DPYSL2: variants seen among roughly 807,000 people sequenced by gnomAD.
DPYSL2 encodes the protein dihydropyrimidinase-related protein 2.
In DPYSL2, 13 loss-of-function variants were observed where a neutral mutation model predicts 69.9. The ratio of observed to expected loss-of-function variants is 0.19; its 90% confidence interval spans 0.12 to 0.30. The LOEUF is 0.30. Ranked by LOEUF, DPYSL2 falls within the 10% of genes least tolerant of loss-of-function variation. The pLI, the probability that DPYSL2 is intolerant of heterozygous loss-of-function variation, is 1.00. For missense variants in DPYSL2, 587 were observed against 918.9 expected (o/e 0.64, Z 4.67); for synonymous variants, 326 against 359.1 (o/e 0.91, Z 1.04).
chr8:26,594,115 C>T (rs1563401269), intron 3 of DPYSL2, among the ~76,000 whole-genome samples: 1 of 152,180 alleles, frequency 6.6e-6, no homozygotes, highest in Non-Finnish European at 1.5e-5. Flanking sequence ...CTTTCTAGTG[C>T]TTTCTGTCTG....
At chr8:26,625,487 C>G (rs1011488917) in intron 4 of DPYSL2, among the ~76,000 whole-genome samples, 1 of 152,106 alleles carries the variant, frequency 6.6e-6, no homozygotes, top group Non-Finnish European at 1.5e-5. Context: ...CCCAGCACCC[C>G]CCAGGTGGCT....
In DPYSL2 at chr8:26,644,657, C is replaced by T. The variant is rs1803123080; in HGVS notation, c.1425+566C>T. Among the ~76,000 whole-genome samples the T allele has an allele frequency of 6.6e-6, 1 of 152,094 alleles. No individual in the cohort carries two copies. The highest frequency in any genetic ancestry group is 1.5e-5 in the Non-Finnish European group (1 of 68,014). ...CAATGGAACAGTAAAGACTGAAAAC[C>T]TACACAGCTTTAGATGTGACTCTGG... is the stretch of plus-strand genomic sequence containing the variant. On this transcript the variant is annotated intron_variant, in intron 10 of 13. Coordinates refer to ENST00000521913, the MANE Select transcript of DPYSL2 (RefSeq NM_001197293.3). The surrounding 1 kb of genome is among the most constrained non-coding windows in gnomAD (Gnocchi z 4.5).
chr8:26,613,089 C>G (rs1802271503), intron 3 of DPYSL2, among the ~76,000 whole-genome samples: 1 of 152,206 alleles, frequency 6.6e-6, no homozygotes, highest in Non-Finnish European at 1.5e-5. Flanking sequence ...TTCAACTGTT[C>G]CATTCCTGTT....
intron 1 of DPYSL2, chr8:26,577,239 C>A (rs1439979812): frequency 4.9e-6 from 2 of 410,646 alleles, no homozygotes; most frequent in Non-Finnish European, 9.6e-6. Context: ...ATTCCCCGCC[C>A]CCAGGAGCCG....
chr8:26,540,341 A>C (rs74499871), intron 1 of DPYSL2, among the ~76,000 whole-genome samples: 18 of 152,268 alleles, frequency 1.2e-4, no homozygotes, highest in African/African-American at 3.9e-4. Flanking sequence ...AAATGAAAAA[A>C]GTGAAAAAAG....
chr8:26,528,740 G>A (rs185687362), intron 1 of DPYSL2, among the ~76,000 whole-genome samples: 47 of 152,300 alleles, frequency 3.1e-4, no homozygotes, highest in African/African-American at 9.6e-4. Flanking sequence ...AAGCAGTGCA[G>A]CGCCACTCTG....
Position 26,642,091 on chromosome 8 carries a change from AGAT to A in DPYSL2, c.1127-1345_1127-1343del. Among the ~76,000 whole-genome samples the A allele has an allele frequency of 6.6e-6, 1 of 152,288 alleles. No homozygotes were observed. Among genetic ancestry groups the A allele is most frequent in the East Asian group, 1.9e-4 (1 of 5,188 alleles). ...CCCTGTGCTGGGGGGAGCTAGTGAG[AGAT>A]GAATTCAGCTGACCTGGGATCAAAT... On this transcript the variant is annotated intron_variant, in intron 8 of 13. Transcript: ENST00000521913. The surrounding 1 kb of genome is among the most constrained non-coding windows in gnomAD (Gnocchi z 5.3).
At chr8:26,577,935 C>A (rs114900295) in intron 1 of DPYSL2, 6 of 1,196,876 alleles carry the variant, frequency 5.0e-6, no homozygotes, top group African/African-American at 4.9e-5. Flanking sequence ...CGACTTGAAC[C>A]GAGGCTTTTA....
In DPYSL2 at chr8:26,533,301, T is replaced by C. The variant is rs966263614; in HGVS notation, c.354+18622T>C. Among the ~76,000 whole-genome samples the C allele has an allele frequency of 2.0e-5, 3 of 152,226 alleles. No individual in the cohort carries two copies. The highest frequency in any genetic ancestry group is 4.4e-5 in the Non-Finnish European group (3 of 68,038). On this transcript the variant is annotated intron_variant, in intron 1 of 13. Transcript: ENST00000521913. This position sits in a 1 kb window ranked among gnomAD's most constrained non-coding sequence, Gnocchi z 4.8. ...ATCCTTAATATATATTATTTTTTTC[T>C]CCTGCTCTGTGGATTGTTTTTCACT...
intron 3 of DPYSL2, among the ~76,000 whole-genome samples, chr8:26,611,224 G>A (rs537804160): frequency 1.3e-5 from 2 of 152,318 alleles, no homozygotes; most frequent in African/African-American, 2.4e-5. Flanking sequence ...TCCTTGTTCC[G>A]AGAAAGTTCC....
chr8:26,649,739 T>G (rs1034418830), intron 11 of DPYSL2, among the ~76,000 whole-genome samples: 1 of 152,162 alleles, frequency 6.6e-6, no homozygotes, highest in African/African-American at 2.4e-5. Flanking sequence ...TTTGCTTGGA[T>G]TTTCCAGGCA....
intron 1 of DPYSL2, chr8:26,547,985 A>G: frequency 3.8e-6 from 1 of 263,790 alleles, no homozygotes; most frequent in South Asian, 5.3e-5. Flanking sequence ...TGGCATGAGA[A>G]GGTCCTTTTC....
At chr8:26,589,796 C>T (rs571403741) in intron 3 of DPYSL2, among the ~76,000 whole-genome samples, 2 of 152,344 alleles carry the variant, frequency 1.3e-5, no homozygotes, top group South Asian at 2.1e-4. Flanking sequence ...GGTCCTCTTG[C>T]GAGAAAGCCT....
In DPYSL2 at chr8:26,565,583, TA is replaced by T; in HGVS notation, c.355-16385del. On this transcript the variant is annotated intron_variant, in intron 1 of 13. Coordinates refer to ENST00000521913, the MANE Select transcript of DPYSL2 (RefSeq NM_001197293.3). This position sits in a 1 kb window ranked among gnomAD's most constrained non-coding sequence, Gnocchi z 4.1. The stretch of plus-strand genomic sequence containing the variant: ...GTCAGCAAAGTGAAGGAACTGAGGG[TA>T]TGTGTGTATTTCACACAAATTTTAA... Among the ~76,000 whole-genome samples, 1 of 152,296 alleles carries T rather than the reference TA, an allele frequency of 6.6e-6. No homozygotes were observed. The highest frequency in any genetic ancestry group is 2.4e-5 in the African/African-American group (1 of 41,562).
intron 1 of DPYSL2, among the ~76,000 whole-genome samples, chr8:26,541,953 G>A (rs904616574): frequency 1.3e-5 from 2 of 152,180 alleles, no homozygotes; most frequent in Non-Finnish European, 2.9e-5. Flanking sequence ...TTACTTAAAT[G>A]TAAATGGATT....
chr8:26,592,584 T>C (rs771270371), intron 3 of DPYSL2, among the ~76,000 whole-genome samples: 1 of 151,524 alleles, frequency 6.6e-6, no homozygotes, highest in Non-Finnish European at 1.5e-5. Context: ...CAAGCCATTC[T>C]CCTGTCTCAG....
rs1355642765 is a variant in DPYSL2, at chr8:26,647,428, C to G, written c.1426-202C>G. Among the ~76,000 whole-genome samples, 18 of 152,208 alleles carry G rather than the reference C, an allele frequency of 1.2e-4. No individual in the cohort carries two copies. Among genetic ancestry groups the G allele is most frequent in the Admixed American group, 9.8e-4 (15 of 15,286 alleles). Reference sequence around the variant, plus strand: ...CTAGCCCCTCATCTGTTCTCCATCTCTACCATTTTGTTATTTGGAGAATGT... The same window carrying G: ...CTAGCCCCTCATCTGTTCTCCATCTGTACCATTTTGTTATTTGGAGAATGT... On this transcript the variant is annotated intron_variant, in intron 10 of 13. Coordinates refer to ENST00000521913, the MANE Select transcript of DPYSL2 (RefSeq NM_001197293.3). This position sits in a 1 kb window ranked among gnomAD's most constrained non-coding sequence, Gnocchi z 5.1.
Position 26,655,736 on chromosome 8 carries a change from C to G in DPYSL2, c.*30C>G. On this transcript the variant is annotated 3_prime_UTR_variant, in exon 14 of 14. Transcript: ENST00000521913. ...CCTGGGCTGTGCCGTCCACTGGGGA[C>G]TGGGGATGGGACACCTGAGGACATT... 3 of 1,546,942 alleles carry G rather than the reference C, an allele frequency of 1.9e-6. No individual in the cohort carries two copies. The highest frequency in any genetic ancestry group is 2.6e-6 in the Non-Finnish European group (3 of 1,139,118).
At chr8:26,529,728 ATTTTTTTTT>A (rs71216757) in intron 1 of DPYSL2, among the ~76,000 whole-genome samples, 2 of 135,482 alleles carry the variant, frequency 1.5e-5, no homozygotes, top group Admixed American at 1.5e-4. Flanking sequence ...TTTAACCGTA[ATTTTTTTTT>A]TTTTTTTTTT....
Sources: gnomAD v4.1 joint callset for allele counts (sites outside exome capture counted in the v4.1 genomes callset) on GRCh38, gnomAD v4.1.1 for gene constraint, Gnocchi (gnomAD v3.1) non-coding constraint, MANE v1.5 for transcripts, NCBI Gene and HGNC (gene_info 2026-07-23, HGNC 2026-07-21) for gene names.